RYR1: variants seen among roughly 807,000 people sequenced by gnomAD.
RYR1 encodes the protein ryanodine receptor 1.
In RYR1, 342 loss-of-function variants were observed where a neutral mutation model predicts 583.5. The observed-to-expected ratio is 0.59, with a 90% confidence interval of 0.54 to 0.64. The LOEUF (loss-of-function observed/expected upper bound fraction) is 0.64, where lower values mean the gene tolerates loss of function less well. Ranked by LOEUF, RYR1 falls within the 30% of genes least tolerant of loss-of-function variation. The probability of loss-of-function intolerance (pLI) is 0.00; values close to 1 mark genes in which losing one functional copy is unlikely to be tolerated. For missense variants in RYR1, 6,032 were observed against 6,917.2 expected (o/e 0.87, Z 4.54); for synonymous variants, 2,791 against 2,822.5 (o/e 0.99, Z 0.35).
At chr19:38,574,785 A>G (rs1382177948) in intron 96 of RYR1, among the ~76,000 whole-genome samples, 5 of 152,268 alleles carry the variant, frequency 3.3e-5, no homozygotes, top group Admixed American at 3.3e-4. Flanking sequence ...TCTGTAATCA[A>G]TCCTAGCACT....
intron 78 of RYR1, among the ~76,000 whole-genome samples, chr19:38,534,080 C>G (rs1052077710): frequency 6.8e-6 from 1 of 147,270 alleles, no homozygotes; most frequent in Non-Finnish European, 1.5e-5. Context: ...GGCGTGATCT[C>G]AGCTCACTGC....
In RYR1 at chr19:38,512,377, G is replaced by C. The variant is rs1216000421; in HGVS notation, c.9366G>C (p.Val3122=). Residue 3122 remains valine, a synonymous_variant, in exon 63 of 106, where the codon GTG becomes GTC. Coordinates refer to ENST00000359596, the MANE Select transcript of RYR1 (RefSeq NM_000540.3). This position sits in a 1 kb window ranked among gnomAD's most constrained non-coding sequence, Gnocchi z 5.1. ...LGKVSQARTQ[V]KGVGQNLTYT... ...AGGTGTCGCAGGCGCGCACCCAGGTGAAAGGCGTGGGCCAGAACCTCACCT... is the reference window on the plus strand; with the variant it reads ...AGGTGTCGCAGGCGCGCACCCAGGTCAAAGGCGTGGGCCAGAACCTCACCT... The C allele has an allele frequency of 1.9e-6, 3 of 1,613,958 alleles. No homozygotes were observed. The highest frequency in any genetic ancestry group is 2.5e-6 in the Non-Finnish European group (3 of 1,180,058).
In RYR1 at chr19:38,502,728, G is replaced by A. The variant is rs1057524858; in HGVS notation, c.7835+1G>A. On this transcript the variant is annotated splice_donor_variant, in intron 48 of 105. Coordinates refer to ENST00000359596, the MANE Select transcript of RYR1 (RefSeq NM_000540.3). LOFTEE classifies it high-confidence loss of function. ...AGGACTGCCTCATGTCGCTCTGCAGGTGGAGCGGGGCAGGCTTCAGGGTGG... is the reference window on the plus strand; with the variant it reads ...AGGACTGCCTCATGTCGCTCTGCAGATGGAGCGGGGCAGGCTTCAGGGTGG... 4.5e-6 allele frequency: 7 copies of A among 1,559,860 alleles called. No homozygotes were observed. Among genetic ancestry groups the A allele is most frequent in the Non-Finnish European group, 6.1e-6 (7 of 1,152,676 alleles).
intron 38 of RYR1, among the ~76,000 whole-genome samples, 168 bp downstream of exon 38, chr19:38,492,804 C>G (rs1410438534): frequency 6.6e-6 from 1 of 151,926 alleles, no homozygotes; most frequent in Non-Finnish European, 1.5e-5. Context: ...CGTGGTGGCT[C>G]ACGCCTGTAA....
chr19:38,511,688 C>T, intron 61 of RYR1, 78 bp downstream of exon 61: 1 of 1,514,306 alleles, frequency 6.6e-7, no homozygotes, highest in Non-Finnish European at 9.2e-7. Flanking sequence ...CCAGGTTCTG[C>T]CTTAATTTGA....
chr19:38,548,459 G>C, intron 89 of RYR1, 39 bp downstream of exon 89: 1 of 1,600,062 alleles, frequency 6.2e-7, no homozygotes, highest in Non-Finnish European at 8.6e-7. Flanking sequence ...GACTTGGGTG[G>C]GGTTGCCAAG....
intron 1 of RYR1, among the ~76,000 whole-genome samples, chr19:38,438,402 T>G (rs7248727): frequency 0.073 from 9,865 of 135,982 alleles, 382 homozygotes; most frequent in Middle Eastern, 0.11. Context: ...TTTTTTTTCC[T>G]TTTGAGACAT....
intron 89 of RYR1, among the ~76,000 whole-genome samples, chr19:38,552,860 T>G (rs1353764799): frequency 6.6e-6 from 1 of 151,940 alleles, no homozygotes; most frequent in East Asian, 1.9e-4. Flanking sequence ...AAAGTACACA[T>G]GATTCACAAT....
At chr19:38,437,988 TA>T (rs11452334) in intron 1 of RYR1, among the ~76,000 whole-genome samples, 8,537 of 139,924 alleles carry the variant, frequency 0.061, 634 homozygotes, top group African/African-American at 0.18. Flanking sequence ...CCCAGTCTCT[TA>T]AAAAAAAAAA....
chr19:38,570,012 AAACT>A (rs1245815398), intron 93 of RYR1, among the ~76,000 whole-genome samples: 3 of 152,046 alleles, frequency 2.0e-5, no homozygotes, highest in Non-Finnish European at 4.4e-5. Flanking sequence ...GAAAATACAA[AAACT>A]AACTGAGTGT....
intron 78 of RYR1, among the ~76,000 whole-genome samples, chr19:38,534,183 T>G (rs531736433): frequency 4.3e-4 from 66 of 152,098 alleles, no homozygotes; most frequent in Non-Finnish European, 7.9e-4. Context: ...GGCTAATTTT[T>G]TGTATTTTTA....
At position 38,474,818 on chromosome 19, in the gene RYR1, G is replaced by A. The variant is rs1009827329; in HGVS notation, c.4161-500G>A. The stretch of plus-strand genomic sequence containing the variant: ...TTGAACTCCTGACCTCAGGTGATCC[G>A]TACGATGGCAGAGGTTTTCAATGGG... On this transcript the variant is annotated intron_variant, in intron 28 of 105. Transcript: ENST00000359596. Among the ~76,000 whole-genome samples the A allele has an allele frequency of 4.0e-5, 6 of 151,688 alleles. No homozygotes were observed. In the East Asian group the frequency reaches 7.8e-4, roughly 20 times the overall value.
intron 96 of RYR1, among the ~76,000 whole-genome samples, chr19:38,575,422 G>T (rs1973912223): frequency 6.6e-6 from 1 of 152,246 alleles, no homozygotes; most frequent in African/African-American, 2.4e-5. Context: ...CACTTTGGGA[G>T]GCCAAGGCGG....
intron 74 of RYR1, 39 bp from the exon 75 acceptor site, chr19:38,528,560 G>A: frequency 6.2e-7 from 1 of 1,608,400 alleles, no homozygotes; most frequent in Non-Finnish European, 8.5e-7. Flanking sequence ...AAGCACGGAG[G>A]AGGGCGCGTC....
chr19:38,439,291 C>A (rs1428232579), intron 1 of RYR1, among the ~76,000 whole-genome samples: 1 of 152,006 alleles, frequency 6.6e-6, no homozygotes, highest in African/African-American at 2.4e-5. Context: ...CCTCCACCTC[C>A]CAGGCTCAAG....
chr19:38,440,980 T>G (rs1600631598), intron 2 of RYR1, 116 bp downstream of exon 2: 50 of 852,966 alleles, frequency 5.9e-5, no homozygotes, highest in Admixed American at 2.4e-4. Flanking sequence ...GGAGAGAAAG[T>G]GAGGAGGGGG....
In RYR1 at chr19:38,530,987, CTTTTT is replaced by C. The variant is rs59244176; in HGVS notation, c.11142-1489_11142-1485del. Reference sequence around the variant, plus strand: ...CCAGCTATTTTTCTTTTTTCTTTCTCTTTTTTTTTTTTTTTTTTGTATTTTTAGTA... The same window carrying C: ...CCAGCTATTTTTCTTTTTTCTTTCTCTTTTTTTTTTTTTGTATTTTTAGTA... On this transcript the variant is annotated intron_variant, in intron 76 of 105. Coordinates refer to ENST00000359596, the MANE Select transcript of RYR1 (RefSeq NM_000540.3). 4.6e-5 allele frequency among the ~76,000 whole-genome samples: 6 copies of C among 129,372 alleles called. No individual in the cohort carries two copies. In the South Asian group the frequency reaches 9.9e-4, roughly 21 times the overall value. The allele number at this position is 129,372 out of a possible 152,430, so 84.9% of individuals were successfully genotyped here. A position where few individuals can be genotyped will look rare whatever the true frequency, so the allele number is the denominator to read the frequency against.
rs200291321 is a variant in RYR1, at chr19:38,500,859, G to C, written c.7483G>C (p.Val2495Leu). 6.2e-7 allele frequency: 1 copy of C among 1,613,902 alleles called. No individual in the cohort carries two copies. The highest frequency in any genetic ancestry group is 1.1e-5 in the South Asian group (1 of 91,080). ...LVQPKMSASF[V>L]PDHKASMVLF... ...GCAGCCAAAGATGTCAGCATCCTTC[G>C]TGCCGGACCACAAGGCGTCCATGGT... Residue 2495 changes from valine to leucine, a missense_variant, in exon 47 of 106, where the codon GTG becomes CTG. Transcript: ENST00000359596. This position sits in a 1 kb window ranked among gnomAD's most constrained non-coding sequence, Gnocchi z 5.9.
In RYR1 at chr19:38,555,627, A is replaced by G. The variant is rs552900847; in HGVS notation, c.12283-5486A>G. ...TCATCAAATATCTAGTGAGTGTGCA[A>G]ATTTCCAAATCTCATAACTTTCATG... is the stretch of plus-strand genomic sequence containing the variant. On this transcript the variant is annotated intron_variant, in intron 89 of 105. Transcript: ENST00000359596. 7.2e-5 allele frequency among the ~76,000 whole-genome samples: 11 copies of G among 152,228 alleles called. No individual in the cohort carries two copies. In the South Asian group the frequency reaches 2.1e-3, roughly 29 times the overall value.
Sources: gnomAD v4.1 joint callset for allele counts (sites outside exome capture counted in the v4.1 genomes callset) on GRCh38, gnomAD v4.1.1 for gene constraint, Gnocchi (gnomAD v3.1) non-coding constraint, MANE v1.5 for transcripts, NCBI Gene and HGNC (gene_info 2026-07-23, HGNC 2026-07-21) for gene names.